Variants in GFRA1 observed in about 807,000 individuals in gnomAD.
The protein encoded by GFRA1 is GDNF family receptor alpha-1.
Under a neutral mutation model 51.6 loss-of-function variants are expected in GFRA1, and 16 were observed. That is an observed-to-expected ratio of 0.31 (90% CI 0.21 to 0.47). The LOEUF (loss-of-function observed/expected upper bound fraction) is 0.47. GFRA1 is among the 20% of genes least tolerant of loss of function. The pLI is 1.00. For synonymous variants in GFRA1, 270 were observed against 241.3 expected (o/e 1.12, Z -1.10); for missense variants, 530 against 594.3 (o/e 0.89, Z 1.13).
chr10:116,123,606 G>T (rs2134015016), intron 6 of GFRA1, among the ~76,000 whole-genome samples: 1 of 152,234 alleles, frequency 6.6e-6, no homozygotes, highest in Non-Finnish European at 1.5e-5. Flanking sequence ...TCTGCTCTTG[G>T]CTTTTTAGAA....
intron 4 of GFRA1, among the ~76,000 whole-genome samples, chr10:116,245,418 C>T (rs1967783440): frequency 6.6e-6 from 1 of 152,172 alleles, no homozygotes; most frequent in Non-Finnish European, 1.5e-5. Context: ...AATCCAAAAG[C>T]CTGACACCAC....
chr10:116,117,646 T>C (rs1957482429), intron 6 of GFRA1, among the ~76,000 whole-genome samples: 1 of 151,728 alleles, frequency 6.6e-6, no homozygotes, highest in South Asian at 2.1e-4. Context: ...GATGGATTAA[T>C]GGATGGATAG....
chr10:116,094,601 C>A (rs1956497741), intron 7 of GFRA1, among the ~76,000 whole-genome samples: 1 of 152,154 alleles, frequency 6.6e-6, no homozygotes, highest in Non-Finnish European at 1.5e-5. Flanking sequence ...CCAGGCAATG[C>A]CCGCTGATGA....
chr10:116,252,273 G>T (rs533898384), intron 4 of GFRA1, among the ~76,000 whole-genome samples: 1 of 152,164 alleles, frequency 6.6e-6, no homozygotes, highest in East Asian at 1.9e-4. Flanking sequence ...CCGCATGAGA[G>T]CCATTTCTGA....
At chr10:116,222,284 C>T (rs1453809743) in intron 4 of GFRA1, among the ~76,000 whole-genome samples, 3 of 152,034 alleles carry the variant, frequency 2.0e-5, no homozygotes, top group Non-Finnish European at 4.4e-5. Context: ...CTGCAACCTC[C>T]GTCTTCTAGG....
intron 5 of GFRA1, among the ~76,000 whole-genome samples, chr10:116,187,768 T>C (rs140874644): frequency 8.5e-4 from 130 of 152,256 alleles, no homozygotes; most frequent in African/African-American, 2.9e-3. Flanking sequence ...AATGTAACTG[T>C]TGAAATCTCA....
chr10:116,232,824 C>T (rs933499138), intron 4 of GFRA1, among the ~76,000 whole-genome samples: 3 of 151,998 alleles, frequency 2.0e-5, no homozygotes, highest in African/African-American at 4.8e-5. Context: ...GCTGAGGCCC[C>T]GTCTTTGATA....
At chr10:116,199,829 G>C (rs1448195114) in intron 5 of GFRA1, among the ~76,000 whole-genome samples, 1 of 152,150 alleles carries the variant, frequency 6.6e-6, no homozygotes, top group Non-Finnish European at 1.5e-5. Context: ...TACTAAGATA[G>C]AGAACACTAC....
At chr10:116,142,171 A>G (rs1284670951) in intron 5 of GFRA1, among the ~76,000 whole-genome samples, 1 of 152,154 alleles carries the variant, frequency 6.6e-6, no homozygotes, top group Non-Finnish European at 1.5e-5. Context: ...TACATTGATC[A>G]ACAATGCCCC....
chr10:116,125,098 G>A, intron 6 of GFRA1, 123 bp downstream of exon 6: 1 of 845,600 alleles, frequency 1.2e-6, no homozygotes, highest in Admixed American at 2.0e-5. Context: ...CCATTCAAAT[G>A]GACTGGGCTC....
Position 116,064,657 on chromosome 10 carries a change from T to C in GFRA1, c.1252-113A>G, listed in dbSNP as rs555739795. 6.4e-6 allele frequency: 6 copies of C among 936,498 alleles called. No individual in the cohort carries two copies. In the African/African-American group the frequency reaches 8.1e-5, roughly 13 times the overall value. The allele number at this position is 936,498 out of a possible 1,614,324, so 58.0% of individuals were successfully genotyped here. On this transcript the variant is annotated intron_variant, in intron 10 of 10. Coordinates refer to ENST00000355422, the MANE Select transcript of GFRA1 (RefSeq NM_005264.8). ...CACTGGCTGACCCACTCACCAAAGC[T>C]GACCAAGATTTTACCACTGAGACTT...
intron 8 of GFRA1, among the ~76,000 whole-genome samples, chr10:116,092,997 C>T (rs1956416681): frequency 6.6e-6 from 1 of 152,210 alleles, no homozygotes; most frequent in Non-Finnish European, 1.5e-5. Context: ...CCATTTCTCT[C>T]TATCCCTGTC....
intron 5 of GFRA1, among the ~76,000 whole-genome samples, chr10:116,177,024 C>G (rs1961686181): frequency 6.6e-6 from 1 of 152,118 alleles, no homozygotes; most frequent in South Asian, 2.1e-4. Context: ...GGAACAAAAA[C>G]AGAGAGGCTG....
At chr10:116,194,943 A>G (rs192729034) in intron 5 of GFRA1, among the ~76,000 whole-genome samples, 4 of 152,216 alleles carry the variant, frequency 2.6e-5, no homozygotes. Flanking sequence ...GAGCCAGGCA[A>G]TAAATGTTTT....
At chr10:116,091,969 G>A (rs2133884405) in intron 8 of GFRA1, among the ~76,000 whole-genome samples, 1 of 152,320 alleles carries the variant, frequency 6.6e-6, no homozygotes, top group Non-Finnish European at 1.5e-5. Context: ...CCCTGTGAGG[G>A]AGAAGTTTTC....
chr10:116,155,536 G>A (rs1959183360), intron 5 of GFRA1, among the ~76,000 whole-genome samples: 1 of 152,092 alleles, frequency 6.6e-6, no homozygotes, highest in Admixed American at 6.6e-5. Flanking sequence ...CATATTAATG[G>A]AATTTTTTTA....
intron 5 of GFRA1, among the ~76,000 whole-genome samples, chr10:116,175,570 G>A (rs947859036): frequency 2.0e-5 from 3 of 152,122 alleles, no homozygotes; most frequent in Non-Finnish European, 1.5e-5. Context: ...GCTTTGCTTC[G>A]TAAGCTACAT....
At chr10:116,271,322 G>T (rs973531989) in intron 2 of GFRA1, among the ~76,000 whole-genome samples, 1 of 152,048 alleles carries the variant, frequency 6.6e-6, no homozygotes, top group East Asian at 1.9e-4. Context: ...TCCCGGGCCC[G>T]CAAGGAAGAG....
intron 5 of GFRA1, among the ~76,000 whole-genome samples, chr10:116,182,919 C>T (rs7901350): frequency 0.041 from 6,246 of 152,254 alleles, 417 homozygotes; most frequent in African/African-American, 0.14. Context: ...TTTCCCCATG[C>T]GTCCATCCAG....
Sources: allele counts gnomAD v4.1 joint callset (sites outside exome capture counted in the v4.1 genomes callset), GRCh38; gene constraint gnomAD v4.1.1; transcripts MANE v1.5; gene names NCBI Gene and HGNC (gene_info 2026-07-23, HGNC 2026-07-21).